The following PTBP2 variants were observed in gnomAD, a reference collection of about 807,000 sequenced individuals.
PTBP2 encodes the protein polypyrimidine tract-binding protein 2.
PTBP2 carries 13 observed loss-of-function variants against 61.4 expected under a neutral mutation model. The ratio of observed to expected loss-of-function variants is 0.21; its 90% CI spans 0.14 to 0.34. The LOEUF (loss-of-function observed/expected upper bound fraction) is 0.34. Ranked by LOEUF, PTBP2 falls within the 10% of genes least tolerant of loss-of-function variation. PTBP2 has a pLI of 1.00. For synonymous variants in PTBP2, 215 were observed against 218.5 expected, an observed-to-expected ratio of 0.98 and a Z score of 0.14; for missense variants, 405 against 642.6, an observed-to-expected ratio of 0.63 and a Z score of 4.00.
chr1:96,743,326 G>C (rs983716952), intron 2 of PTBP2, among the ~76,000 whole-genome samples: 1 of 151,726 alleles, frequency 6.6e-6, no homozygotes, highest in East Asian at 1.9e-4. Context: ...TTGTACCGCT[G>C]TGTTGTCATT....
chr1:96,791,837 T>TTTTTTTTTG (rs1557759271), intron 8 of PTBP2, among the ~76,000 whole-genome samples: 5 of 136,858 alleles, frequency 3.7e-5, no homozygotes, highest in Admixed American at 1.4e-4. Flanking sequence ...TTTTTTTTTT[T>TTTTTTTTTG]TTTTTTTTTT....
intron 3 of PTBP2, 100 bp downstream of exon 3, chr1:96,751,600 T>G: frequency 1.2e-6 from 1 of 809,280 alleles, no homozygotes; most frequent in Non-Finnish European, 2.0e-6. Flanking sequence ...CCTTTCTTTT[T>G]AAATGCGTGT....
intron 2 of PTBP2, among the ~76,000 whole-genome samples, chr1:96,739,789 A>G (rs971318934): frequency 1.9e-4 from 29 of 150,192 alleles, no homozygotes; most frequent in African/African-American, 6.6e-4. Flanking sequence ...AATTTTTTGT[A>G]TATATATATA....
chr1:96,760,830 A>C (rs1033988891), intron 3 of PTBP2, among the ~76,000 whole-genome samples: 1 of 152,226 alleles, frequency 6.6e-6, no homozygotes, highest in Non-Finnish European at 1.5e-5. Context: ...CAGTAAGAAC[A>C]TGTTTGCTGT....
In PTBP2 at chr1:96,809,359, A is replaced by G. The variant is rs141567769; in HGVS notation, c.1171+2401A>G. Among the ~76,000 whole-genome samples the G allele has an allele frequency of 3.2e-4, 48 of 152,348 alleles. No individual in the cohort carries two copies. In the Middle Eastern group the frequency reaches 0.014, roughly 43 times the overall value. The stretch of plus-strand genomic sequence containing the variant: ...TTTTGAAAAATCAGTCACATACTAA[A>G]CCATAAAGCAAGCTTCAGCTAATTT... On this transcript the variant is annotated intron_variant, in intron 11 of 13. Transcript: ENST00000674951.
At chr1:96,752,698 G>C (rs532420336) in intron 3 of PTBP2, among the ~76,000 whole-genome samples, 1 of 152,008 alleles carries the variant, frequency 6.6e-6, no homozygotes, top group Non-Finnish European at 1.5e-5. Context: ...GATCGATAAT[G>C]GGAAATTAAT....
chr1:96,797,004 C>G (rs759770587), intron 8 of PTBP2, among the ~76,000 whole-genome samples: 4 of 152,144 alleles, frequency 2.6e-5, no homozygotes, highest in Admixed American at 6.5e-5. Context: ...AATCATGAGA[C>G]CAGAGTCTTG....
At chr1:96,818,888 G>A (rs1262758161), downstream of PTBP2, 2 of 152,008 alleles carry the variant, frequency 1.3e-5, no homozygotes, top group African/African-American at 2.4e-5. Flanking sequence ...TAACTTACCT[G>A]TAGTTAGAAT....
At chr1:96,742,736 A>C (rs1038906359) in intron 2 of PTBP2, among the ~76,000 whole-genome samples, 1 of 151,582 alleles carries the variant, frequency 6.6e-6, no homozygotes, top group African/African-American at 2.4e-5. Flanking sequence ...AGCTACACAA[A>C]AGTAGAGGGA....
At chr1:96,767,116 C>T (rs1027370848) in intron 3 of PTBP2, among the ~76,000 whole-genome samples, 25 of 151,946 alleles carry the variant, frequency 1.6e-4, no homozygotes, top group Non-Finnish European at 2.5e-4. Flanking sequence ...ATATTTTTTC[C>T]AAGAAGTCAA....
At chr1:96,790,710 A>G (rs529561509) in intron 8 of PTBP2, among the ~76,000 whole-genome samples, 1 of 152,260 alleles carries the variant, frequency 6.6e-6, no homozygotes, top group Non-Finnish European at 1.5e-5. Flanking sequence ...CAGGTACAGT[A>G]TAGATTCTTC....
At chr1:96,818,572 T>G (rs1386466718), downstream of PTBP2, 1 of 152,110 alleles carries the variant, frequency 6.6e-6, no homozygotes, top group African/African-American at 2.4e-5. Context: ...TAGTATCACC[T>G]AGGAGTTTAT....
In PTBP2 at chr1:96,769,856, T is replaced by C. The variant is rs755156298; in HGVS notation, c.269T>C (p.Met90Thr). The change falls in exon 4 of 14, where the codon ATG becomes ACG. Residue 90 changes from methionine to threonine, a missense_variant. By Grantham distance (81) the Met-to-Thr change is moderately conservative (BLOSUM62 -1). Coordinates refer to ENST00000674951, the MANE Select transcript of PTBP2 (RefSeq NM_021190.4). ...TTTGGTAAGGTGACCAACATCCTTA[T>C]GCTGAAAGGAAAAAATCAGGTACAC... ...LPFGKVTNIL[M>T]LKGKNQAFLE... is the part of the protein sequence containing the mutation. 3.8e-6 allele frequency: 6 copies of C among 1,593,354 alleles called. No individual in the cohort carries two copies. Among genetic ancestry groups the C allele is most frequent in the East Asian group, 2.3e-5 (1 of 43,954 alleles).
chr1:96,773,678 T>A (rs1048772488), intron 5 of PTBP2, among the ~76,000 whole-genome samples: 1 of 152,062 alleles, frequency 6.6e-6, no homozygotes, highest in Non-Finnish European at 1.5e-5. Flanking sequence ...AAACTCCCTT[T>A]AGAATTTCTG....
chr1:96,735,869 CTA>C (rs1557690536), intron 2 of PTBP2, among the ~76,000 whole-genome samples: 1 of 152,070 alleles, frequency 6.6e-6, no homozygotes, highest in African/African-American at 2.4e-5. Context: ...AATTGGTGAG[CTA>C]TATGAGTTCT....
chr1:96,746,819 GTCTGTCT>G, intron 2 of PTBP2, among the ~76,000 whole-genome samples: 1 of 76,582 alleles, frequency 1.3e-5, no homozygotes, highest in Non-Finnish European at 2.8e-5. Context: ...ATGCTGTCTT[GTCTGTCT>G]GTCTGTCTGT....
rs1408853087 is a variant in PTBP2 at position 96,814,283 on chromosome 1, A to T, written c.*878A>T. On this transcript the variant is annotated 3_prime_UTR_variant, in exon 14 of 14. Coordinates refer to ENST00000674951, the MANE Select transcript of PTBP2 (RefSeq NM_021190.4). ...TTGCCATCCTTAGTTTGTAATTAAG[A>T]TTTGGAATATGGTTGTGGATTTCTG... is the stretch of plus-strand genomic sequence containing the variant. 3 of 152,502 alleles carry T rather than the reference A, an allele frequency of 2.0e-5. No homozygotes were observed. In the East Asian group the frequency reaches 5.8e-4, roughly 29 times the overall value. The allele number at this position is 152,502 out of a possible 1,614,324, so 9.4% of individuals were successfully genotyped here.
intron 8 of PTBP2, among the ~76,000 whole-genome samples, chr1:96,794,138 C>G (rs1191581426): frequency 6.6e-6 from 1 of 152,150 alleles, no homozygotes; most frequent in Non-Finnish European, 1.5e-5. Context: ...TACTTACTTT[C>G]CATTACCTTC....
intron 2 of PTBP2, among the ~76,000 whole-genome samples, chr1:96,746,517 A>C (rs1304239119): frequency 6.6e-6 from 1 of 151,332 alleles, no homozygotes; most frequent in Non-Finnish European, 1.5e-5. Flanking sequence ...ATAAAATGTG[A>C]GCTTATTATT....
Sources: gnomAD v4.1 joint callset for allele counts (sites outside exome capture counted in the v4.1 genomes callset) on GRCh38, gnomAD v4.1.1 for gene constraint, MANE v1.5 for transcripts, NCBI Gene and HGNC (gene_info 2026-07-23, HGNC 2026-07-21) for gene names.